DOP1B: variants seen among roughly 807,000 people sequenced by gnomAD.
DOP1B encodes DOP1 leucine zipper like protein B, also known as protein DOP1B.
DOP1B carries 174 observed loss-of-function variants against 233.5 expected under a neutral mutation model. The ratio of observed to expected loss-of-function variants is 0.75; its 90% CI spans 0.66 to 0.85. The LOEUF is 0.85. Ranked by LOEUF, DOP1B falls within the 40% of genes least tolerant of loss-of-function variation. The probability of loss-of-function intolerance (pLI) is 0.00; values close to 1 mark genes in which losing one functional copy is unlikely to be tolerated. For synonymous variants in DOP1B, 1,190 were observed against 1,185.6 expected, an observed-to-expected ratio of 1.00 and a Z score of -0.08; for missense variants, 2,652 against 2,846.6, an observed-to-expected ratio of 0.93 and a Z score of 1.56.
intron 32 of DOP1B, among the ~76,000 whole-genome samples, chr21:36,282,530 C>T (rs2146250597): frequency 6.6e-6 from 1 of 152,204 alleles, no homozygotes; most frequent in Non-Finnish European, 1.5e-5. Context: ...TTGCTAGAGT[C>T]CTCCTGCAGT....
At chr21:36,278,783 C>T (rs1204291987) in intron 30 of DOP1B, among the ~76,000 whole-genome samples, 2 of 152,172 alleles carry the variant, frequency 1.3e-5, no homozygotes, top group African/African-American at 4.8e-5. Context: ...GTATGAGAAT[C>T]GCTTGAACCT....
chr21:36,225,956 G>C (rs1406255200), intron 12 of DOP1B, among the ~76,000 whole-genome samples: 2 of 152,192 alleles, frequency 1.3e-5, no homozygotes, highest in African/African-American at 2.4e-5. Flanking sequence ...AGTTACTTTA[G>C]GGAAAGAGTC....
At chr21:36,196,443 C>A (rs1405640267) in intron 2 of DOP1B, among the ~76,000 whole-genome samples, 1 of 151,886 alleles carries the variant, frequency 6.6e-6, no homozygotes, top group Non-Finnish European at 1.5e-5. Flanking sequence ...TATCCACGTT[C>A]ATTCCTTCTC....
At chr21:36,186,825 G>C (rs1225330414) in intron 2 of DOP1B, among the ~76,000 whole-genome samples, 2 of 152,146 alleles carry the variant, frequency 1.3e-5, no homozygotes, top group African/African-American at 4.8e-5. Context: ...AATAATGGGT[G>C]AGAAAGCAGA....
At position 36,230,814 on chromosome 21, in the gene DOP1B, G is replaced by A; in HGVS notation, c.2030G>A (p.Ser677Asn). The change falls in exon 14 of 37, where the codon AGC becomes AAC. Residue 677 changes from serine (S) to asparagine (N), a missense_variant. Transcript: ENST00000691173. Reference sequence around the variant, plus strand: ...CAGAGCCTGGCAGCCAATGATTCCAGCAGGAAGAACTCTTGGGAGCCCAAG... The same window carrying A: ...CAGAGCCTGGCAGCCAATGATTCCAACAGGAAGAACTCTTGGGAGCCCAAG... ...GTQSLAANDSSRKNSWEPKPI... is the reference protein window; with the variant it reads ...GTQSLAANDSNRKNSWEPKPI... 3 of 1,614,142 alleles carry A rather than the reference G, an allele frequency of 1.9e-6. No homozygotes were observed. The highest frequency in any genetic ancestry group is 2.5e-6 in the Non-Finnish European group (3 of 1,180,006).
intron 15 of DOP1B, among the ~76,000 whole-genome samples, chr21:36,233,770 C>T (rs1464799294): frequency 1.3e-5 from 2 of 152,158 alleles, no homozygotes; most frequent in Non-Finnish European, 1.5e-5. Flanking sequence ...TGGAACTCCT[C>T]ACACCGCTCA....
intron 2 of DOP1B, among the ~76,000 whole-genome samples, chr21:36,174,953 G>GT (rs1465097856): frequency 2.0e-5 from 3 of 152,162 alleles, no homozygotes; most frequent in Admixed American, 6.5e-5. Flanking sequence ...ACAACAGATT[G>GT]TTTTGTTTCA....
intron 28 of DOP1B, 36 bp from the exon 29 acceptor site, chr21:36,277,939 G>A: frequency 2.5e-6 from 4 of 1,573,616 alleles, no homozygotes; most frequent in Non-Finnish European, 1.7e-6. Flanking sequence ...GTCGCACCTG[G>A]CCAGTTTCTG....
Position 36,212,095 on chromosome 21 carries a change from T to C in DOP1B, c.902T>C (p.Leu301Pro), listed in dbSNP as rs2066505841. 30 of 1,608,394 alleles carry C rather than the reference T, an allele frequency of 1.9e-5. No individual in the cohort carries two copies. Among genetic ancestry groups the C allele is most frequent in the Non-Finnish European group, 2.5e-5 (30 of 1,177,844 alleles). The stretch of plus-strand genomic sequence containing the variant: ...AACAGAAGACTGTATGCATGGTTAC[T>C]AGGTACTGAGCAGTATACACCCTTT... ...SLNRRLYAWL[L>P]GSDIKGNTVV... Residue 301 changes from leucine (L) to proline (P), a missense_variant and splice_region_variant, in exon 7 of 37, where the codon CTA (leucine) becomes CCA (proline). Leu to Pro is a moderately conservative substitution (Grantham distance 98). Transcript: ENST00000691173.
At chr21:36,217,849 T>C (rs2066578494) in intron 9 of DOP1B, among the ~76,000 whole-genome samples, 1 of 152,174 alleles carries the variant, frequency 6.6e-6, no homozygotes, top group South Asian at 2.1e-4. Flanking sequence ...TTCAGGGAAG[T>C]ATTAAAAGAA....
At chr21:36,173,613 C>CG (rs1303206999) in intron 2 of DOP1B, among the ~76,000 whole-genome samples, 4 of 151,812 alleles carry the variant, frequency 2.6e-5, no homozygotes, top group African/African-American at 7.3e-5. Flanking sequence ...TTAGTAGAGA[C>CG]GGGGTTTCAC....
chr21:36,265,098 T>G (rs1413745950), intron 26 of DOP1B, among the ~76,000 whole-genome samples: 1 of 152,170 alleles, frequency 6.6e-6, no homozygotes, highest in Admixed American at 6.5e-5. Context: ...ACAAGAGTAC[T>G]GTATAAAGTG....
chr21:36,192,610 C>T (rs2123456091), intron 2 of DOP1B, among the ~76,000 whole-genome samples: 1 of 152,088 alleles, frequency 6.6e-6, no homozygotes, highest in South Asian at 2.1e-4. Context: ...TCTCCAATTC[C>T]TAGGCTCAAG....
chr21:36,194,515 C>G (rs9976651), intron 2 of DOP1B, among the ~76,000 whole-genome samples: 1,390 of 125,658 alleles, frequency 0.011, 11 homozygotes, highest in Middle Eastern at 0.025. Context: ...GAGACAGAGT[C>G]TCACTCTGTC....
intron 1 of DOP1B, among the ~76,000 whole-genome samples, chr21:36,157,345 C>T (rs2065829064): frequency 2.0e-5 from 3 of 152,184 alleles, no homozygotes; most frequent in African/African-American, 7.2e-5. Flanking sequence ...CCTTTGTTTG[C>T]TGGTGCCCTG....
At chr21:36,271,936 C>CT (rs34465846) in intron 27 of DOP1B, among the ~76,000 whole-genome samples, 52,042 of 134,354 alleles carry the variant, frequency 0.39, 10,188 homozygotes, top group East Asian at 0.56. Flanking sequence ...ACAAATGATC[C>CT]TTTTTTTTTT....
intron 9 of DOP1B, among the ~76,000 whole-genome samples, chr21:36,217,940 T>C (rs1387568972): frequency 6.6e-6 from 1 of 152,248 alleles, no homozygotes; most frequent in Non-Finnish European, 1.5e-5. Flanking sequence ...ACGTTGCTGC[T>C]AACTTGGCTC....
chr21:36,222,684 G>A (rs2066639787), intron 10 of DOP1B, among the ~76,000 whole-genome samples: 1 of 151,842 alleles, frequency 6.6e-6, no homozygotes, highest in Non-Finnish European at 1.5e-5. Flanking sequence ...GACTAAAACT[G>A]ATTTTCTGTA....
chr21:36,199,002 C>G, intron 2 of DOP1B, 68 bp from the exon 3 acceptor site: 1 of 1,518,470 alleles, frequency 6.6e-7, no homozygotes, highest in African/African-American at 1.4e-5. Flanking sequence ...CTGGCTTCAG[C>G]AGATCCACTC....
Sources: allele counts gnomAD v4.1 joint callset (sites outside exome capture counted in the v4.1 genomes callset), GRCh38; gene constraint gnomAD v4.1.1; transcripts MANE v1.5; gene names NCBI Gene and HGNC (gene_info 2026-07-23, HGNC 2026-07-21).